The following PSD3 variants were observed in gnomAD, a reference collection of about 807,000 sequenced individuals.
The protein encoded by PSD3 is PH and SEC7 domain-containing protein 3.
PSD3 carries 49 observed loss-of-function variants against 105.5 expected under a neutral mutation model. The observed-to-expected ratio is 0.46, with a 90% CI of 0.37 to 0.59. The LOEUF is 0.59. Ranked by LOEUF, PSD3 falls within the 20% of genes least tolerant of loss-of-function variation. PSD3 has a pLI of 0.00. For synonymous variants in PSD3, 557 were observed against 457.8 expected (o/e 1.22, Z -2.77); for missense variants, 1,561 against 1,263.8 (o/e 1.24, Z -3.57).
intron 14 of PSD3, among the ~76,000 whole-genome samples, chr8:18,567,895 G>T (rs1801893414): frequency 6.6e-6 from 1 of 152,220 alleles, no homozygotes; most frequent in Non-Finnish European, 1.5e-5. Context: ...CCTGGTAAGA[G>T]GTGTTTGCGT....
chr8:19,035,874 C>T (rs1401708993), intron 1 of PSD3, among the ~76,000 whole-genome samples: 4 of 152,054 alleles, frequency 2.6e-5, no homozygotes, highest in African/African-American at 9.7e-5. Context: ...TCTGCCTCAT[C>T]CTCTCAAGTA....
chr8:19,062,779 G>A (rs139740756), intron 1 of PSD3, among the ~76,000 whole-genome samples: 37 of 152,270 alleles, frequency 2.4e-4, no homozygotes, highest in Non-Finnish European at 5.3e-4. Flanking sequence ...CCAAAATCAG[G>A]TAGATTAGCA....
At chr8:18,578,956 G>C (rs150334082) in intron 12 of PSD3, among the ~76,000 whole-genome samples, 4 of 152,046 alleles carry the variant, frequency 2.6e-5, no homozygotes, top group Admixed American at 2.0e-4. Context: ...CTAAACTGAA[G>C]TTGAAAAATT....
At chr8:18,993,720 C>G (rs1182669063) in intron 1 of PSD3, among the ~76,000 whole-genome samples, 2 of 151,888 alleles carry the variant, frequency 1.3e-5, no homozygotes, top group Admixed American at 6.6e-5. Context: ...AGAAAAAATG[C>G]TGAGGCTCAA....
At position 18,853,931 on chromosome 8, in the gene PSD3, G is replaced by C. The variant is rs188164383; in HGVS notation, c.1634+13743C>G. Among the ~76,000 whole-genome samples, 4 of 152,202 alleles carry C rather than the reference G, an allele frequency of 2.6e-5. No individual in the cohort carries two copies. In the East Asian group the frequency reaches 7.7e-4, roughly 29 times the overall value. On this transcript the variant is annotated intron_variant, in intron 4 of 15. Transcript: ENST00000327040. The stretch of plus-strand genomic sequence containing the variant: ...ACTCTTCATTTGTCATCCTTATTTA[G>C]AAATTAACATATGATCATTTTCCTA...
At chr8:18,944,114 T>C (rs1173655514) in intron 1 of PSD3, among the ~76,000 whole-genome samples, 2 of 152,222 alleles carry the variant, frequency 1.3e-5, no homozygotes, top group Non-Finnish European at 2.9e-5. Context: ...CCAGTTATTT[T>C]ACAGAATGTT....
intron 11 of PSD3, among the ~76,000 whole-genome samples, chr8:18,609,189 A>G (rs1401473160): frequency 1.3e-5 from 2 of 152,144 alleles, no homozygotes; most frequent in African/African-American, 4.8e-5. Context: ...TTCCCCTCAG[A>G]GTAGAGAGAG....
At chr8:18,653,154 C>G (rs553595112) in intron 10 of PSD3, among the ~76,000 whole-genome samples, 180 of 152,196 alleles carry the variant, frequency 1.2e-3, no homozygotes, top group African/African-American at 4.2e-3. Context: ...ACTTCTTCCA[C>G]AGGAGGAAAC....
chr8:18,956,356 T>A (rs959893003), intron 1 of PSD3, among the ~76,000 whole-genome samples: 1 of 152,182 alleles, frequency 6.6e-6, no homozygotes, highest in African/African-American at 2.4e-5. Context: ...GGGTGGGGCC[T>A]GACAGTCTGC....
chr8:18,955,462 A>G (rs1823509283), intron 1 of PSD3, among the ~76,000 whole-genome samples: 1 of 152,156 alleles, frequency 6.6e-6, no homozygotes, highest in Non-Finnish European at 1.5e-5. Context: ...GGTTACATAT[A>G]TATTACTTTC....
intron 10 of PSD3, among the ~76,000 whole-genome samples, chr8:18,639,246 A>T (rs532564411): frequency 9.9e-5 from 15 of 151,128 alleles, no homozygotes; most frequent in African/African-American, 3.4e-4. Flanking sequence ...GAAGTTTTCT[A>T]CTGTTTTAAA....
intron 8 of PSD3, among the ~76,000 whole-genome samples, chr8:18,781,058 G>C (rs1163537162): frequency 6.6e-6 from 1 of 151,458 alleles, no homozygotes; most frequent in African/African-American, 2.4e-5. Context: ...GTGTTTTTTT[G>C]TTTGTTCTGC....
intron 2 of PSD3, among the ~76,000 whole-genome samples, chr8:18,901,390 T>C (rs958291511): frequency 2.6e-5 from 4 of 152,216 alleles, no homozygotes; most frequent in Non-Finnish European, 5.9e-5. Flanking sequence ...CCAGTCTATA[T>C]CTTTTAAGTG....
At chr8:18,603,832 C>T (rs895648007) in intron 11 of PSD3, among the ~76,000 whole-genome samples, 2 of 152,184 alleles carry the variant, frequency 1.3e-5, no homozygotes, top group African/African-American at 2.4e-5. Context: ...CCATTTGAAG[C>T]CCTGTTCCCC....
intron 15 of PSD3, among the ~76,000 whole-genome samples, chr8:18,548,993 C>T (rs1340626222): frequency 6.6e-6 from 1 of 152,130 alleles, no homozygotes; most frequent in Non-Finnish European, 1.5e-5. Flanking sequence ...GCCTCTTAGG[C>T]AGCATCCTAC....
chr8:18,979,241 G>C (rs1825125389), intron 1 of PSD3, among the ~76,000 whole-genome samples: 1 of 151,760 alleles, frequency 6.6e-6, no homozygotes, highest in African/African-American at 2.4e-5. Context: ...CTGTTGCCAA[G>C]AAGTATATCC....
intron 2 of PSD3, among the ~76,000 whole-genome samples, chr8:18,911,883 A>C (rs1393798078): frequency 6.6e-6 from 1 of 152,184 alleles, no homozygotes; most frequent in Non-Finnish European, 1.5e-5. Flanking sequence ...AATATCTTAC[A>C]CATTTTGTCA....
chr8:18,634,637 C>T (rs1807129482), intron 10 of PSD3, among the ~76,000 whole-genome samples: 1 of 152,062 alleles, frequency 6.6e-6, no homozygotes. Context: ...CCTTTATGAC[C>T]TTGACACTTT....
chr8:18,956,805 G>C (rs144352323), intron 1 of PSD3, among the ~76,000 whole-genome samples: 141 of 152,168 alleles, frequency 9.3e-4, no homozygotes, highest in African/African-American at 3.2e-3. Context: ...AGGATCCATG[G>C]TTTGGCTTTT....
Sources: allele counts gnomAD v4.1 joint callset (sites outside exome capture counted in the v4.1 genomes callset), GRCh38; gene constraint gnomAD v4.1.1; transcripts MANE v1.5; gene names NCBI Gene and HGNC (gene_info 2026-07-23, HGNC 2026-07-21).